RIMKLA: variants seen among roughly 807,000 people sequenced by gnomAD.
RIMKLA encodes N-acetylaspartylglutamate synthase A.
RIMKLA carries 14 observed loss-of-function variants against 32.7 expected under a neutral mutation model. The observed-to-expected ratio is 0.43, with a 90% confidence interval of 0.28 to 0.67. The LOEUF (loss-of-function observed/expected upper bound fraction) is 0.67. Among genes scored for constraint, RIMKLA ranks in the 30% least tolerant of loss-of-function variants. RIMKLA has a pLI of 0.18. For synonymous variants in RIMKLA, 176 were observed against 204.1 expected (o/e 0.86, Z 1.18); for missense variants, 410 against 519.0 (o/e 0.79, Z 2.04).
At position 42,414,951 on chromosome 1, in the gene RIMKLA, G is replaced by C; in HGVS notation, c.1153G>C (p.Ala385Pro). ...EPGYNINNRI[A>P]SELKLK ...TGGCTACAACATTAACAACAGGATTGCTTCTGAGTTAAAACTTAAGTGAAT... is the reference window on the plus strand; with the variant it reads ...TGGCTACAACATTAACAACAGGATTCCTTCTGAGTTAAAACTTAAGTGAAT... Residue 385 changes from alanine to proline, a missense_variant, in exon 5 of 5, where the codon GCT becomes CCT. Ala to Pro is a conservative substitution (Grantham distance 27). Transcript: ENST00000431473. The C allele has an allele frequency of 1.2e-6, 2 of 1,610,198 alleles. No individual in the cohort carries two copies. Among genetic ancestry groups the C allele is most frequent in the Non-Finnish European group, 8.5e-7 (1 of 1,178,124 alleles).
chr1:42,394,154 A>T (rs1015289170), intron 1 of RIMKLA, among the ~76,000 whole-genome samples: 1 of 152,224 alleles, frequency 6.6e-6, no homozygotes, highest in Admixed American at 6.5e-5. Context: ...CCACTGTTAC[A>T]TGATCCTGCT....
intron 2 of RIMKLA, among the ~76,000 whole-genome samples, chr1:42,403,343 TA>T (rs1643117022): frequency 6.6e-6 from 1 of 152,120 alleles, no homozygotes; most frequent in South Asian, 2.1e-4. Flanking sequence ...GACAAACCAC[TA>T]AAAAACCAGG....
intron 1 of RIMKLA, among the ~76,000 whole-genome samples, chr1:42,392,531 C>G (rs145254508): frequency 6.6e-6 from 1 of 152,298 alleles, no homozygotes; most frequent in African/African-American, 2.4e-5. Flanking sequence ...CGGCTTCTGA[C>G]TACCAGCACC....
intron 1 of RIMKLA, among the ~76,000 whole-genome samples, chr1:42,391,704 G>C (rs1420613254): frequency 2.0e-5 from 3 of 152,118 alleles, no homozygotes; most frequent in Non-Finnish European, 2.9e-5. Flanking sequence ...TACAGTCCAG[G>C]GAAATGATGT....
chr1:42,385,805 CT>C (rs1642933967), intron 1 of RIMKLA, among the ~76,000 whole-genome samples: 1 of 76,832 alleles, frequency 1.3e-5, no homozygotes, highest in Non-Finnish European at 3.0e-5. Flanking sequence ...CTTTCTCTCT[CT>C]CTTTCCTTCC....
At chr1:42,388,501 G>A (rs1049422360) in intron 1 of RIMKLA, among the ~76,000 whole-genome samples, 1 of 149,854 alleles carries the variant, frequency 6.7e-6, no homozygotes, top group Non-Finnish European at 1.5e-5. Flanking sequence ...CACTGTGCTT[G>A]GCCCACTGAA....
intron 1 of RIMKLA, among the ~76,000 whole-genome samples, chr1:42,385,743 C>G (rs565644023): frequency 3.6e-4 from 47 of 129,380 alleles, no homozygotes; most frequent in African/African-American, 1.6e-3. Flanking sequence ...TTCTTTCTTT[C>G]TTTCTTTCTT....
Position 42,385,850 on chromosome 1 carries a change from CTTTCTTTCTT to C in RIMKLA, c.163+4755_163+4764del, listed in dbSNP as rs1557749966. On this transcript the variant is annotated intron_variant, in intron 1 of 4. Coordinates refer to ENST00000431473, the MANE Select transcript of RIMKLA (RefSeq NM_173642.4). ...TTCCTTTCTTTCTTTCTTTCTCTTTCTTTCTTTCTTTCTTTCTTTCTTTCTTTCTTTCTTT... is the reference window on the plus strand; with the variant it reads ...TTCCTTTCTTTCTTTCTTTCTCTTTCTCTTTCTTTCTTTCTTTCTTTCTTT... Among the ~76,000 whole-genome samples the C allele has an allele frequency of 8.0e-4, 27 of 33,622 alleles. 7 individuals are homozygous for C. The highest frequency in any genetic ancestry group is 1.7e-3 in the Non-Finnish European group (23 of 13,702). 22.1% of individuals were successfully genotyped at this position (33,622 alleles called of 152,430 possible).
In RIMKLA at chr1:42,424,147, C is replaced by T. The variant is rs114867249; in HGVS notation, c.*9173C>T. Among the ~76,000 whole-genome samples the T allele has an allele frequency of 0.015, 2,219 of 152,296 alleles. 56 individuals carry two copies. The highest frequency in any genetic ancestry group is 0.051 in the African/African-American group (2,120 of 41,540). On this transcript the variant is annotated 3_prime_UTR_variant, in exon 5 of 5. Coordinates refer to ENST00000431473, the MANE Select transcript of RIMKLA (RefSeq NM_173642.4). ...AGTATCATATCAATGTCAATTTCCT[C>T]ATTTTGGTGATTGTTCTAATAAGAA...
intron 1 of RIMKLA, among the ~76,000 whole-genome samples, chr1:42,395,211 T>G (rs1033731239): frequency 6.6e-6 from 1 of 152,230 alleles, no homozygotes; most frequent in African/African-American, 2.4e-5. Context: ...AGATTATTCT[T>G]TTTTAGAACA....
At chr1:42,398,397 T>A (rs1643065748) in intron 1 of RIMKLA, among the ~76,000 whole-genome samples, 1 of 152,238 alleles carries the variant, frequency 6.6e-6, no homozygotes, top group African/African-American at 2.4e-5. Flanking sequence ...GATATTGAAT[T>A]GAACTGATTT....
intron 4 of RIMKLA, among the ~76,000 whole-genome samples, chr1:42,413,410 A>G (rs1223493618): frequency 6.7e-6 from 1 of 148,916 alleles, no homozygotes; most frequent in African/African-American, 2.5e-5. Context: ...CTGAGGCAAG[A>G]GGAGAATTGC....
chr1:42,388,517 GTTT>G (rs35842187), intron 1 of RIMKLA, among the ~76,000 whole-genome samples: 5 of 131,712 alleles, frequency 3.8e-5, no homozygotes, highest in Admixed American at 7.7e-5. Flanking sequence ...CTGAAAGCTT[GTTT>G]TTTTTTTTTT....
intron 4 of RIMKLA, among the ~76,000 whole-genome samples, chr1:42,413,002 C>T (rs928768297): frequency 6.6e-6 from 1 of 151,892 alleles, no homozygotes; most frequent in Admixed American, 6.6e-5. Flanking sequence ...GGCGTGGTGG[C>T]ATGTGCCTGT....
At chr1:42,400,353 G>A (rs1233101878) in intron 2 of RIMKLA, among the ~76,000 whole-genome samples, 2 of 152,186 alleles carry the variant, frequency 1.3e-5, no homozygotes, top group East Asian at 3.8e-4. Context: ...AAGAGTTATA[G>A]TTCAGATGAT....
At chr1:42,412,832 T>C (rs1643211661) in intron 4 of RIMKLA, 1 of 256,488 alleles carries the variant, frequency 3.9e-6, no homozygotes, top group African/African-American at 2.3e-5. Context: ...GAGCCATCTC[T>C]CTTCTTAAAA....
At chr1:42,411,732 G>GGCACAATCTCC (rs141010981) in intron 4 of RIMKLA, among the ~76,000 whole-genome samples, 22,374 of 150,528 alleles carry the variant, frequency 0.15, 1,764 homozygotes, top group East Asian at 0.22. Flanking sequence ...GGAGTGCAGT[G>GGCACAATCTCC]GCACAATCTC....
At chr1:42,395,618 G>A (rs953851050) in intron 1 of RIMKLA, among the ~76,000 whole-genome samples, 1 of 152,104 alleles carries the variant, frequency 6.6e-6, no homozygotes, top group African/African-American at 2.4e-5. Flanking sequence ...TCCTGCATCA[G>A]CTCTTCGTTC....
chr1:42,385,842 T>TCTCTC (rs1557749905), intron 1 of RIMKLA, among the ~76,000 whole-genome samples: 4,367 of 63,582 alleles, frequency 0.069, 765 homozygotes, highest in Non-Finnish European at 0.097. Flanking sequence ...CTTTCTTTCT[T>TCTCTC]TCTCTTTCTT....
Sources: allele counts gnomAD v4.1 joint callset (sites outside exome capture counted in the v4.1 genomes callset), GRCh38; gene constraint gnomAD v4.1.1; transcripts MANE v1.5; gene names NCBI Gene and HGNC (gene_info 2026-07-23, HGNC 2026-07-21).